The following LRCH3 variants were observed in gnomAD, a reference collection of about 807,000 sequenced individuals.
LRCH3 encodes DISP complex protein LRCH3.
A neutral mutation model predicts 104.5 loss-of-function variants in LRCH3; 68 were observed. The ratio of observed to expected loss-of-function variants is 0.65; its 90% CI spans 0.54 to 0.80. LRCH3 has a LOEUF of 0.80. Ranked by LOEUF, LRCH3 falls within the 30% of genes least tolerant of loss-of-function variation. The pLI, the probability that LRCH3 is intolerant of heterozygous loss-of-function variation, is 0.00. For missense variants in LRCH3, 951 were observed against 953.9 expected (o/e 1.00, Z 0.04); for synonymous variants, 344 against 361.3 (o/e 0.95, Z 0.54).
At chr3:197,816,810 A>C (rs1157332259) in intron 2 of LRCH3, among the ~76,000 whole-genome samples, 1 of 152,180 alleles carries the variant, frequency 6.6e-6, no homozygotes, top group Non-Finnish European at 1.5e-5. Context: ...GGAGGATGAT[A>C]TTATCCACCT....
chr3:197,874,024 G>GAAAAAAA, intron 19 of LRCH3, among the ~76,000 whole-genome samples: 1 of 112,296 alleles, frequency 8.9e-6, no homozygotes. Context: ...TGTCTCAAAA[G>GAAAAAAA]AAAAAAAAAA....
intron 12 of LRCH3, chr3:197,848,588 T>C (rs1170751311): frequency 6.5e-6 from 1 of 152,690 alleles, no homozygotes; most frequent in Non-Finnish European, 1.5e-5. Context: ...CATTTTTTCT[T>C]CATAATTAAT....
chr3:197,850,251 AAAAC>A, intron 12 of LRCH3: 1 of 571,568 alleles, frequency 1.7e-6, no homozygotes, highest in South Asian at 2.3e-5. Flanking sequence ...AATCGTACTT[AAAAC>A]TTATTGAATG....
At chr3:197,879,550 G>A (rs1327435536) in intron 20 of LRCH3, among the ~76,000 whole-genome samples, 8 of 151,960 alleles carry the variant, frequency 5.3e-5, no homozygotes, top group Non-Finnish European at 1.2e-4. Flanking sequence ...GGAGGCTGAG[G>A]CGGGAGAATG....
At chr3:197,808,678 G>A (rs1397629811) in intron 1 of LRCH3, among the ~76,000 whole-genome samples, 3 of 151,916 alleles carry the variant, frequency 2.0e-5, no homozygotes, top group South Asian at 4.2e-4. Flanking sequence ...TTGGGAGGCC[G>A]AGATGAGCAG....
intron 7 of LRCH3, 35 bp from the exon 8 acceptor site, chr3:197,832,162 A>C (rs1385218685): frequency 6.3e-7 from 1 of 1,595,460 alleles, no homozygotes; most frequent in Non-Finnish European, 8.6e-7. Context: ...AGGCTCTAAA[A>C]TGATTGTTTT....
At position 197,854,429 on chromosome 3, in the gene LRCH3, A is replaced by G. The variant is rs1205139421; in HGVS notation, c.1628A>G (p.Asp543Gly). ...TCCAGAAGGTCTCAGCACACTGATG[A>G]TAGTGCCTTGTGCATGGTAAGAGTT... The part of the protein sequence containing the change: ...FPSRRSQHTD[D>G]SALCMSLSGL... The change falls in exon 14 of 21, where the codon GAT (aspartate) becomes GGT (glycine). Residue 543 changes from aspartate (D) to glycine (G), a missense_variant. Coordinates refer to ENST00000425562, the MANE Select transcript of LRCH3 (RefSeq NM_001365715.1). The surrounding 1 kb of genome is among the most constrained non-coding windows in gnomAD (Gnocchi z 4.5). 6.2e-7 allele frequency: 1 copy of G among 1,614,152 alleles called. No homozygotes were observed. Among genetic ancestry groups the G allele is most frequent in the Non-Finnish European group, 8.5e-7 (1 of 1,179,984 alleles).
intron 10 of LRCH3, among the ~76,000 whole-genome samples, chr3:197,839,996 C>CA (rs1190223329): frequency 6.6e-6 from 1 of 151,012 alleles, no homozygotes; most frequent in South Asian, 2.1e-4. Flanking sequence ...ATACAAAATA[C>CA]AAAAAACGAA....
At chr3:197,831,727 C>T (rs145168417) in intron 7 of LRCH3, among the ~76,000 whole-genome samples, 7 of 152,158 alleles carry the variant, frequency 4.6e-5, no homozygotes, top group East Asian at 1.9e-4. Context: ...AAGCAGTCCT[C>T]CCACCTAAAC....
intron 12 of LRCH3, among the ~76,000 whole-genome samples, chr3:197,851,629 C>T (rs1739611202): frequency 1.3e-5 from 2 of 152,196 alleles, no homozygotes; most frequent in African/African-American, 4.8e-5. Context: ...TGTTAGGTTC[C>T]TCCTGTGTGT....
At chr3:197,812,396 T>C (rs1733223631) in intron 1 of LRCH3, among the ~76,000 whole-genome samples, 2 of 152,126 alleles carry the variant, frequency 1.3e-5, no homozygotes, top group Non-Finnish European at 2.9e-5. Context: ...TATGGAAATA[T>C]CTGTTCACCC....
At chr3:197,805,328 A>G (rs766436807) in intron 1 of LRCH3, among the ~76,000 whole-genome samples, 1 of 152,186 alleles carries the variant, frequency 6.6e-6, no homozygotes, top group East Asian at 1.9e-4. Context: ...TCTTACCTCT[A>G]TCATATTTTT....
intron 20 of LRCH3, among the ~76,000 whole-genome samples, chr3:197,879,490 C>CACA (rs1553790709): frequency 1.3e-5 from 2 of 150,758 alleles, no homozygotes; most frequent in Non-Finnish European, 2.9e-5. Context: ...ACTAAAAATA[C>CACA]AAAAAATTAG....
chr3:197,835,911 G>T lies in LRCH3; in HGVS notation c.1251+89G>T, dbSNP rs546534605. 6 of 1,338,642 alleles carry T rather than the reference G, an allele frequency of 4.5e-6. No individual in the cohort carries two copies. The Admixed American group carries it at 1.2e-4, about 26-fold the overall frequency. The allele number at this position is 1,338,642 out of a possible 1,614,324, so 82.9% of individuals were successfully genotyped here. ...TAAAGTTTTGTTATATCAGTGATTTGTTGACTGAAGCCTAATTGTTTTCAT... is the reference window on the plus strand; with the variant it reads ...TAAAGTTTTGTTATATCAGTGATTTTTTGACTGAAGCCTAATTGTTTTCAT... On this transcript the variant is annotated intron_variant, in intron 9 of 20. Coordinates refer to ENST00000425562, the MANE Select transcript of LRCH3 (RefSeq NM_001365715.1).
At chr3:197,828,536 G>A (rs1304206056) in intron 5 of LRCH3, among the ~76,000 whole-genome samples, 3 of 150,954 alleles carry the variant, frequency 2.0e-5, no homozygotes, top group African/African-American at 4.9e-5. Context: ...TAGTAGAGAC[G>A]GGGTTTCACC....
In LRCH3 at chr3:197,791,387, G is replaced by A; in HGVS notation, c.109G>A (p.Gly37Ser). ...GVHCGPSSGA[G>S]PGFGPGSWSR... ...TCACTGCGGCCCAAGCTCCGGGGCA[G>A]GCCCTGGTTTTGGCCCGGGCTCGTG... The change falls in exon 1 of 21, where the codon GGC becomes AGC. Residue 37 changes from glycine (G) to serine (S), a missense_variant. Gly to Ser is a moderately conservative substitution (Grantham distance 56). Coordinates refer to ENST00000425562, the MANE Select transcript of LRCH3 (RefSeq NM_001365715.1). 1 of 1,597,028 alleles carries A rather than the reference G, an allele frequency of 6.3e-7. No homozygotes were observed. The highest frequency in any genetic ancestry group is 8.5e-7 in the Non-Finnish European group (1 of 1,173,394).
rs978657465 is a variant in LRCH3 at position 197,824,721 on chromosome 3, G to A, written c.641-2157G>A. ...CAAGTAGCTGGGATTATAGGAGCCC[G>A]CCACCACGCCTGGCTAACTTTTGTA... is the stretch of plus-strand genomic sequence containing the variant. On this transcript the variant is annotated intron_variant, in intron 4 of 20. Transcript: ENST00000425562. Among the ~76,000 whole-genome samples, 49 of 151,224 alleles carry A rather than the reference G, an allele frequency of 3.2e-4. 1 individual carries two copies. The East Asian group carries it at 6.1e-3, about 19-fold the overall frequency.
At chr3:197,876,572 G>A (rs1349374679) in intron 20 of LRCH3, among the ~76,000 whole-genome samples, 1 of 152,160 alleles carries the variant, frequency 6.6e-6, no homozygotes, top group Non-Finnish European at 1.5e-5. Flanking sequence ...ATATTATGTG[G>A]TATAAAGACA....
chr3:197,853,251 G>A lies in LRCH3; in HGVS notation c.1590+631G>A, dbSNP rs150643880. 7.3e-3 allele frequency among the ~76,000 whole-genome samples: 1,103 copies of A among 151,744 alleles called. 18 individuals carry two copies. Among genetic ancestry groups the A allele is most frequent in the African/African-American group, 0.026 (1,055 of 41,338 alleles). ...GTCACCCAGGCTGGAGTGCAGTGGC[G>A]CGATACTGGCTCGCTGCAACCTCCG... On this transcript the variant is annotated intron_variant, in intron 13 of 20. Transcript: ENST00000425562.
Sources: allele counts gnomAD v4.1 joint callset (sites outside exome capture counted in the v4.1 genomes callset), GRCh38; gene constraint gnomAD v4.1.1; non-coding constraint Gnocchi (gnomAD v3.1); transcripts MANE v1.5; gene names NCBI Gene and HGNC (gene_info 2026-07-23, HGNC 2026-07-21).